DCDC2C: variants seen among roughly 807,000 people sequenced by gnomAD.
The protein encoded by DCDC2C is doublecortin domain containing 2C, also known as doublecortin domain-containing protein 2C.
A neutral mutation model predicts 45.0 loss-of-function variants in DCDC2C; 44 were observed. The ratio of observed to expected loss-of-function variants is 0.98; its 90% confidence interval spans 0.77 to 1.26. DCDC2C has a LOEUF of 1.26. Among genes scored for constraint, DCDC2C ranks in the 50% most tolerant of loss-of-function variants. DCDC2C has a pLI of 0.00. For synonymous variants in DCDC2C, 187 were observed against 178.8 expected, an observed-to-expected ratio of 1.05 and a Z score of -0.37; for missense variants, 447 against 468.9, an observed-to-expected ratio of 0.95 and a Z score of 0.43.
chr2:3,847,304 G>C lies in DCDC2C; in HGVS notation c.*121G>C, dbSNP rs17508966. 22,826 of 625,508 alleles carry C rather than the reference G, an allele frequency of 0.036. 501 individuals are homozygous for C. The highest frequency in any genetic ancestry group is 0.046 in the Non-Finnish European group (19,872 of 434,682). The allele number at this position is 625,508 out of a possible 1,614,324, so 38.7% of individuals were successfully genotyped here. ...TGGGGTGAAACTAAAGCCCCACACAGTGGTGTCTTCTCGAAAGCCAAAGAC... is the reference window on the plus strand; with the variant it reads ...TGGGGTGAAACTAAAGCCCCACACACTGGTGTCTTCTCGAAAGCCAAAGAC... On this transcript the variant is annotated 3_prime_UTR_variant, in exon 11 of 11. Coordinates refer to ENST00000399143, the MANE Select transcript of DCDC2C (RefSeq NM_001287444.2).
intron 2 of DCDC2C, among the ~76,000 whole-genome samples, chr2:3,710,531 C>T (rs1668177133): frequency 6.6e-6 from 1 of 152,152 alleles, no homozygotes; most frequent in Admixed American, 6.5e-5. Flanking sequence ...TGCATGAGTA[C>T]ATTGTGAGAT....
chr2:3,775,110 C>G (rs932439646), intron 8 of DCDC2C, among the ~76,000 whole-genome samples: 5 of 108,294 alleles, frequency 4.6e-5, no homozygotes, highest in African/African-American at 1.4e-4. Context: ...GGGAGTGGCT[C>G]TGAGCTAGGC....
intron 2 of DCDC2C, among the ~76,000 whole-genome samples, chr2:3,719,809 G>C (rs1028961930): frequency 2.6e-5 from 4 of 152,236 alleles, no homozygotes; most frequent in African/African-American, 9.6e-5. Context: ...AGTAGTGGAT[G>C]CTGTGGCATT....
chr2:3,787,163 T>C (rs1290441258), intron 10 of DCDC2C, among the ~76,000 whole-genome samples: 3 of 152,234 alleles, frequency 2.0e-5, no homozygotes, highest in African/African-American at 7.2e-5. Context: ...AAATAATATC[T>C]GGTTTGAATG....
chr2:3,813,051 ATATATATATATATATATTTTTTTTT>A (rs1274463243), intron 10 of DCDC2C, among the ~76,000 whole-genome samples: 4 of 82,774 alleles, frequency 4.8e-5, no homozygotes, highest in Non-Finnish European at 2.2e-5. Context: ...ATATATATAT[ATATATATATATATATATTTTTTTTT>A]TTTTGCTGTT....
intron 10 of DCDC2C, among the ~76,000 whole-genome samples, chr2:3,838,122 G>A (rs1367425928): frequency 1.3e-5 from 2 of 152,002 alleles, no homozygotes; most frequent in South Asian, 2.1e-4. Flanking sequence ...GGTGGTGATC[G>A]CGAGTGGAAG....
At chr2:3,808,567 T>G (rs1383753333) in intron 10 of DCDC2C, among the ~76,000 whole-genome samples, 1 of 152,176 alleles carries the variant, frequency 6.6e-6, no homozygotes, top group African/African-American at 2.4e-5. Context: ...AATTTTTGTA[T>G]TTTTGGTAGA....
chr2:3,721,695 C>T (rs1441535844), intron 2 of DCDC2C, among the ~76,000 whole-genome samples: 1 of 152,138 alleles, frequency 6.6e-6, no homozygotes, highest in Non-Finnish European at 1.5e-5. Context: ...CTTAAAATTC[C>T]TATGTGTCAT....
At chr2:3,846,430 T>G (rs1276314798) in intron 10 of DCDC2C, among the ~76,000 whole-genome samples, 1 of 152,138 alleles carries the variant, frequency 6.6e-6, no homozygotes. Flanking sequence ...ACTTTTCTTT[T>G]TTTTGGAGAG....
chr2:3,708,666 C>A (rs1035536755), intron 2 of DCDC2C, 66 bp downstream of exon 2: 6 of 1,252,598 alleles, frequency 4.8e-6, no homozygotes, highest in African/African-American at 4.5e-5. Context: ...ATTTAAATGT[C>A]GGCACGGAAT....
chr2:3,713,465 G>A (rs1186458064), intron 2 of DCDC2C, among the ~76,000 whole-genome samples: 1 of 152,180 alleles, frequency 6.6e-6, no homozygotes, highest in South Asian at 2.1e-4. Context: ...TCTTTCTAGG[G>A]TGAGTTGAGA....
chr2:3,774,657 G>A (rs1372363705), intron 8 of DCDC2C, among the ~76,000 whole-genome samples: 3 of 152,222 alleles, frequency 2.0e-5, no homozygotes, highest in Non-Finnish European at 4.4e-5. Flanking sequence ...GCCAGGGAGA[G>A]GTGATTGACC....
chr2:3,721,112 T>A (rs569767722), intron 2 of DCDC2C, among the ~76,000 whole-genome samples: 21 of 152,336 alleles, frequency 1.4e-4, no homozygotes, highest in African/African-American at 4.8e-4. Flanking sequence ...TCATTCCTGA[T>A]ATTATTTGTG....
chr2:3,706,082 A>T (rs1668058203), intron 1 of DCDC2C, among the ~76,000 whole-genome samples: 1 of 152,220 alleles, frequency 6.6e-6, no homozygotes, highest in Non-Finnish European at 1.5e-5. Context: ...GCTCTGAAAA[A>T]TGTGGCTGGA....
At chr2:3,716,169 G>T (rs1168815326) in intron 2 of DCDC2C, among the ~76,000 whole-genome samples, 3 of 152,188 alleles carry the variant, frequency 2.0e-5, no homozygotes, top group African/African-American at 7.2e-5. Context: ...GATCATTGTG[G>T]TGGCGTTGGT....
chr2:3,807,271 G>A (rs909874614), intron 10 of DCDC2C, among the ~76,000 whole-genome samples: 12 of 152,160 alleles, frequency 7.9e-5, no homozygotes, highest in African/African-American at 2.9e-4. Context: ...ATGCTCAGCT[G>A]CTTACACAGG....
chr2:3,752,110 C>T (rs1488443015), intron 4 of DCDC2C, among the ~76,000 whole-genome samples: 1 of 152,198 alleles, frequency 6.6e-6, no homozygotes, highest in African/African-American at 2.4e-5. Context: ...TTCAGCCTTT[C>T]TCCTCTTGGG....
intron 10 of DCDC2C, among the ~76,000 whole-genome samples, chr2:3,828,315 C>T (rs1238310812): frequency 6.6e-6 from 1 of 152,212 alleles, no homozygotes; most frequent in Admixed American, 6.5e-5. Context: ...CCTACCTACA[C>T]TCCATGGCCA....
In DCDC2C at chr2:3,734,988, C is replaced by T. The variant is rs898807603; in HGVS notation, c.417-6932C>T. Among the ~76,000 whole-genome samples the T allele has an allele frequency of 3.9e-5, 6 of 152,120 alleles. No individual in the cohort carries two copies. Among genetic ancestry groups the T allele is most frequent in the Middle Eastern group, 3.2e-3 (1 of 316 alleles). On this transcript the variant is annotated intron_variant, in intron 3 of 10. Coordinates refer to ENST00000399143, the MANE Select transcript of DCDC2C (RefSeq NM_001287444.2). The surrounding 1 kb of genome is among the most constrained non-coding windows in gnomAD (Gnocchi z 4.2). ...GAGAAATTAGGCATCCACATCCTAC[C>T]GCATCCCACAAGACCCCCACTTTCT...
Sources: allele counts gnomAD v4.1 joint callset (sites outside exome capture counted in the v4.1 genomes callset), GRCh38; gene constraint gnomAD v4.1.1; non-coding constraint Gnocchi (gnomAD v3.1); transcripts MANE v1.5; gene names NCBI Gene and HGNC (gene_info 2026-07-23, HGNC 2026-07-21).